NSF: variants seen among roughly 807,000 people sequenced by gnomAD.
NSF encodes the protein vesicle-fusing ATPase.
A neutral mutation model predicts 50.3 loss-of-function variants in NSF; 14 were observed. The observed-to-expected ratio is 0.28, with a 90% CI of 0.18 to 0.44. The LOEUF (loss-of-function observed/expected upper bound fraction) is 0.44. Among genes scored for constraint, NSF ranks in the 20% least tolerant of loss-of-function variants. The probability of loss-of-function intolerance (pLI) is 1.00; values close to 1 mark genes in which losing one functional copy is unlikely to be tolerated. For missense variants in NSF, 218 were observed against 504.3 expected, an observed-to-expected ratio of 0.43 and a Z score of 5.44; for synonymous variants, 109 against 175.7, an observed-to-expected ratio of 0.62 and a Z score of 3.00.
At chr17:46,722,235 A>G in intron 15 of NSF, 2 of 1,238,294 alleles carry the variant, frequency 1.6e-6, no homozygotes, top group Non-Finnish European at 2.4e-6. Context: ...GAGCACGTCA[A>G]AATCCCTACA....
In NSF at chr17:46,694,458, A is replaced by G. The variant is rs552774035; in HGVS notation, c.1187-17A>G. ...TCGAGACTAGGAAAATGCCTATTTT[A>G]TTTTTAATTTCATCAGGCTTGCCAG... is the stretch of plus-strand genomic sequence containing the variant. On this transcript the variant is annotated splice_polypyrimidine_tract_variant and intron_variant, in intron 11 of 20. Coordinates refer to ENST00000398238, the MANE Select transcript of NSF (RefSeq NM_006178.4). 1.3e-6 allele frequency: 1 copy of G among 798,790 alleles called. No individual in the cohort carries two copies. Among genetic ancestry groups the G allele is most frequent in the Non-Finnish European group, 2.0e-6 (1 of 497,382 alleles). 49.5% of individuals were successfully genotyped at this position (798,790 alleles called of 1,614,324 possible). A position where few individuals can be genotyped will look rare whatever the true frequency, so the allele number is the denominator to read the frequency against.
intron 15 of NSF, among the ~76,000 whole-genome samples, chr17:46,723,195 CAT>C (rs1415995045): frequency 2.0e-5 from 3 of 152,184 alleles, no homozygotes; most frequent in African/African-American, 4.8e-5. Flanking sequence ...GAAGGAAAAA[CAT>C]AGAACTACTG....
chr17:46,737,936 T>C (rs1177711861), intron 17 of NSF, among the ~76,000 whole-genome samples: 1 of 56,612 alleles, frequency 1.8e-5, no homozygotes, highest in East Asian at 4.3e-4. Flanking sequence ...TTATTATTAT[T>C]ATTATTATTA....
chr17:46,756,128 C>T lies in NSF; in HGVS notation c.*305C>T, dbSNP rs371442099. On this transcript the variant is annotated 3_prime_UTR_variant, in exon 21 of 21. Transcript: ENST00000398238. ...CCATCCAGTACTTGTGGACACTACACGTTTCAACCTCTCTACTAGCACCAT... is the reference window on the plus strand; with the variant it reads ...CCATCCAGTACTTGTGGACACTACATGTTTCAACCTCTCTACTAGCACCAT... The T allele has an allele frequency of 3.2e-5, 9 of 284,178 alleles. No individual in the cohort carries two copies. Among genetic ancestry groups the T allele is most frequent in the African/African-American group, 1.7e-4 (8 of 45,832 alleles). The allele number at this position is 284,178 out of a possible 1,614,324, so 17.6% of individuals were successfully genotyped here.
intron 15 of NSF, 67 bp from the exon 16 acceptor site, chr17:46,726,481 TA>T: frequency 7.0e-7 from 1 of 1,435,252 alleles, no homozygotes; most frequent in East Asian, 2.3e-5. Flanking sequence ...AAGAAGTAAC[TA>T]AACTTCTTGG....
intron 18 of NSF, among the ~76,000 whole-genome samples, chr17:46,750,783 G>T (rs1317512410): frequency 6.6e-6 from 1 of 151,708 alleles, no homozygotes; most frequent in South Asian, 2.1e-4. Flanking sequence ...ATTCATAGTG[G>T]CTTTTAGCAC....
chr17:46,739,743 T>C (rs77937302), intron 17 of NSF, among the ~76,000 whole-genome samples: 1 of 150,140 alleles, frequency 6.7e-6, no homozygotes, highest in Non-Finnish European at 1.5e-5. Context: ...TTTTTTTTTT[T>C]CCAGGAGTGC....
intron 16 of NSF, 21 bp downstream of exon 16, chr17:46,726,636 T>G (rs2058892436): frequency 1.2e-6 from 2 of 1,604,464 alleles, no homozygotes; most frequent in Non-Finnish European, 1.7e-6. Context: ...ACTTCTGCTG[T>G]TGTATTATCT....
chr17:46,755,223 G>A, intron 19 of NSF, 91 bp from the exon 20 acceptor site: 2 of 901,926 alleles, frequency 2.2e-6, no homozygotes, highest in Non-Finnish European at 3.7e-6. Context: ...CATTGATGAA[G>A]TGTGAAACCG....
At chr17:46,732,790 A>C (rs2058963007) in intron 17 of NSF, among the ~76,000 whole-genome samples, 1 of 152,198 alleles carries the variant, frequency 6.6e-6, no homozygotes, top group African/African-American at 2.4e-5. Context: ...CTGCAGGAGA[A>C]GAGATCGAGA....
chr17:46,739,339 C>G (rs1315022412), intron 17 of NSF, among the ~76,000 whole-genome samples: 1 of 141,186 alleles, frequency 7.1e-6, no homozygotes, highest in Non-Finnish European at 1.5e-5. Context: ...CCACTGCACT[C>G]CAGCCTGGGC....
chr17:46,737,725 G>A (rs1220854419), intron 17 of NSF, among the ~76,000 whole-genome samples: 2 of 151,976 alleles, frequency 1.3e-5, no homozygotes, highest in East Asian at 1.9e-4. Flanking sequence ...GGAACATAAA[G>A]GAAAGTGTGG....
At chr17:46,720,052 C>T (rs1296169664) in intron 15 of NSF, among the ~76,000 whole-genome samples, 2 of 152,194 alleles carry the variant, frequency 1.3e-5, no homozygotes, top group Admixed American at 6.5e-5. Flanking sequence ...AGAACAGAAT[C>T]GTGATGCCTA....
At chr17:46,729,886 AG>A (rs1327876978) in intron 17 of NSF, among the ~76,000 whole-genome samples, 1 of 152,084 alleles carries the variant, frequency 6.6e-6, no homozygotes, top group East Asian at 2.0e-4. Flanking sequence ...AATAATGAAA[AG>A]AAACATAACC....
intron 8 of NSF, among the ~76,000 whole-genome samples, chr17:46,657,970 A>ACT (rs2058274336): frequency 6.7e-5 from 1 of 14,894 alleles, no homozygotes; most frequent in Non-Finnish European, 1.4e-4. Flanking sequence ...TATTTTATTT[A>ACT]TTTTTTTTTT....
chr17:46,709,898 C>A (rs1410521481), intron 13 of NSF, among the ~76,000 whole-genome samples: 2 of 152,140 alleles, frequency 1.3e-5, no homozygotes, highest in Non-Finnish European at 2.9e-5. Context: ...GAATGAGAAC[C>A]TTCCTCTGTA....
At position 46,726,467 on chromosome 17, in the gene NSF, G is replaced by T. The variant is rs116498914; in HGVS notation, c.1762-82G>T. ...GTTTTCCTGTGCTTTGTTTAGTATT[G>T]CTCAAGAAGTAACTAAACTTCTTGG... On this transcript the variant is annotated intron_variant, in intron 15 of 20. Coordinates refer to ENST00000398238, the MANE Select transcript of NSF (RefSeq NM_006178.4). 1.2e-5 allele frequency: 15 copies of T among 1,245,152 alleles called. No homozygotes were observed. The East Asian group carries it at 3.5e-4, about 29-fold the overall frequency. 77.1% of individuals were successfully genotyped at this position (1,245,152 alleles called of 1,614,324 possible).
In NSF at chr17:46,713,857, T is replaced by G. The variant is rs775628293; in HGVS notation, c.1632T>G (p.Pro544=). The G allele has an allele frequency of 2.5e-6, 4 of 1,610,820 alleles. No individual in the cohort carries two copies. The highest frequency in any genetic ancestry group is 3.4e-6 in the Non-Finnish European group (4 of 1,179,280). ...CTTGCTCATATCTTTATGCAGGCCC[T>G]CCTCACAGTGGGAAGACTGCTTTAG... The part of the protein sequence containing the change: ...TPLVSVLLEG[P]PHSGKTALAA... The change falls in exon 15 of 21, where the codon CCT becomes CCG. Residue 544 remains proline (P), a synonymous_variant. Coordinates refer to ENST00000398238, the MANE Select transcript of NSF (RefSeq NM_006178.4).
chr17:46,755,287 C>T, intron 19 of NSF, 27 bp from the exon 20 acceptor site: 1 of 1,585,692 alleles, frequency 6.3e-7, no homozygotes, highest in Non-Finnish European at 8.7e-7. Flanking sequence ...ACCATTAACC[C>T]ATCTTCATTT....
Sources: gnomAD v4.1 joint callset for allele counts (sites outside exome capture counted in the v4.1 genomes callset) on GRCh38, gnomAD v4.1.1 for gene constraint, MANE v1.5 for transcripts, NCBI Gene and HGNC (gene_info 2026-07-23, HGNC 2026-07-21) for gene names.